NATD1: variants seen among roughly 807,000 people sequenced by gnomAD.
NATD1 encodes the protein N-acetyltransferase domain containing 1.
Under a neutral mutation model 12.0 loss-of-function variants are expected in NATD1, and 9 were observed. The observed-to-expected ratio is 0.75, with a 90% confidence interval of 0.45 to 1.30. The LOEUF (loss-of-function observed/expected upper bound fraction) is 1.30. Ranked by LOEUF, NATD1 falls within the 50% of genes most tolerant of loss-of-function variation. The pLI is 0.00. For synonymous variants in NATD1, 71 were observed against 65.9 expected (o/e 1.08, Z -0.37); for missense variants, 148 against 148.5 (o/e 1.00, Z 0.02).
In NATD1 at chr17:21,248,134, G is replaced by A. The variant is rs574333646; in HGVS notation, c.107-3910C>T. 2.0e-3 allele frequency among the ~76,000 whole-genome samples: 297 copies of A among 152,274 alleles called. 2 individuals carry two copies. The highest frequency in any genetic ancestry group is 6.4e-3 in the African/African-American group (268 of 41,556). ...CCAGACCACATGGCACTGGGCCAGC[G>A]AGGAGCCAGGCTCCTGGGCAGCAAC... On this transcript the variant is annotated intron_variant, in intron 1 of 2. Coordinates refer to ENST00000611551, the MANE Select transcript of NATD1 (RefSeq NM_152914.3).
In NATD1 at chr17:21,244,335, A is replaced by G. The variant is rs1490889913; in HGVS notation, c.107-111T>C. ...GGAGTCATTCAGCTGCTACAGCTGAATCCTGAATAACCTCTCAGTGCCTCA... is the reference window on the plus strand; with the variant it reads ...GGAGTCATTCAGCTGCTACAGCTGAGTCCTGAATAACCTCTCAGTGCCTCA... On this transcript the variant is annotated intron_variant, in intron 1 of 2. Coordinates refer to ENST00000611551, the MANE Select transcript of NATD1 (RefSeq NM_152914.3). This position sits in a 1 kb window ranked among gnomAD's most constrained non-coding sequence, Gnocchi z 5.2. The G allele has an allele frequency of 3.6e-6, 3 of 825,852 alleles. No individual in the cohort carries two copies. The highest frequency in any genetic ancestry group is 5.7e-6 in the Non-Finnish European group (3 of 529,768). 51.2% of individuals were successfully genotyped at this position (825,852 alleles called of 1,614,324 possible).
At chr17:21,247,819 C>G (rs544299516) in intron 1 of NATD1, among the ~76,000 whole-genome samples, 1 of 152,344 alleles carries the variant, frequency 6.6e-6, no homozygotes, top group Admixed American at 6.5e-5. Context: ...TGAGCCGAGA[C>G]AGCAGGATCC....
At chr17:21,249,076 G>A (rs1975352857) in intron 1 of NATD1, among the ~76,000 whole-genome samples, 1 of 152,154 alleles carries the variant, frequency 6.6e-6, no homozygotes, top group African/African-American at 2.4e-5. Context: ...TGTCAGGGGA[G>A]GCGATCACAG....
rs181760445 is a variant in NATD1 at position 21,251,383 on chromosome 17, G to A, written c.106+1776C>T. On this transcript the variant is annotated intron_variant, in intron 1 of 2. Transcript: ENST00000611551. ...CGAGCCCACAAGGGAACCAGAGGCC[G>A]CTCTGGAACCTCAGAAGAGAGGATT... 4.6e-4 allele frequency among the ~76,000 whole-genome samples: 70 copies of A among 151,376 alleles called. 1 individual carries two copies. The highest frequency in any genetic ancestry group is 1.8e-3 in the Admixed American group (27 of 15,234).
intron 1 of NATD1, among the ~76,000 whole-genome samples, chr17:21,246,853 C>T (rs1468886134): frequency 1.3e-5 from 2 of 152,172 alleles, no homozygotes; most frequent in Admixed American, 1.3e-4. Context: ...CTGGTGAGAA[C>T]AGCACGTGCA....
chr17:21,252,708 G>A (rs1975389017), intron 1 of NATD1, among the ~76,000 whole-genome samples: 1 of 152,170 alleles, frequency 6.6e-6, no homozygotes, highest in African/African-American at 2.4e-5. Flanking sequence ...ACCCGCAGAA[G>A]GGGACAGGTC....
At chr17:21,245,521 C>T (rs1975317902) in intron 1 of NATD1, among the ~76,000 whole-genome samples, 1 of 152,202 alleles carries the variant, frequency 6.6e-6, no homozygotes, top group Admixed American at 6.5e-5. Flanking sequence ...AGGAGGCCTT[C>T]TGGCTCTTGG....
Position 21,243,091 on chromosome 17 carries a change from G to C in NATD1, c.*222C>G. The C allele has an allele frequency of 2.0e-6, 1 of 506,196 alleles. No individual in the cohort carries two copies. The allele number at this position is 506,196 out of a possible 1,614,324, so 31.4% of individuals were successfully genotyped here. ...AGCCGCTGGTCTCTGCAGAGTGAGA[G>C]GTGCCGGGACTACCTGGCCTCCTTG... On this transcript the variant is annotated 3_prime_UTR_variant, in exon 3 of 3. Coordinates refer to ENST00000611551, the MANE Select transcript of NATD1 (RefSeq NM_152914.3).
In NATD1 at chr17:21,240,523, G is replaced by C. The variant is rs1034144943; in HGVS notation, c.*2790C>G. 6.6e-6 allele frequency: 1 copy of C among 152,670 alleles called. No individual in the cohort carries two copies. Among genetic ancestry groups the C allele is most frequent in the African/African-American group, 2.4e-5 (1 of 41,466 alleles). The allele number at this position is 152,670 out of a possible 1,614,324, so 9.5% of individuals were successfully genotyped here. On this transcript the variant is annotated 3_prime_UTR_variant, in exon 3 of 3. Coordinates refer to ENST00000611551, the MANE Select transcript of NATD1 (RefSeq NM_152914.3). ...CCTGTTGATGAGCTTGGAGAATGAG[G>C]AAGGGGACGGTCCAGCGGCCAGCTG...
Position 21,244,025 on chromosome 17 carries a change from C to G in NATD1, c.225+81G>C. On this transcript the variant is annotated intron_variant, in intron 2 of 2. Transcript: ENST00000611551. The surrounding 1 kb of genome is among the most constrained non-coding windows in gnomAD (Gnocchi z 5.2). ...CCAAGAAGCAGGCTGAAGTGGCCAC[C>G]AGGGCCACCGTCTCCTCGGAGCGAA... 3 of 1,304,934 alleles carry G rather than the reference C, an allele frequency of 2.3e-6. No homozygotes were observed. Among genetic ancestry groups the G allele is most frequent in the Non-Finnish European group, 3.2e-6 (3 of 945,616 alleles). 80.8% of individuals were successfully genotyped at this position (1,304,934 alleles called of 1,614,324 possible). A position where few individuals can be genotyped will look rare whatever the true frequency, so the allele number is the denominator to read the frequency against.
intron 1 of NATD1, among the ~76,000 whole-genome samples, chr17:21,249,285 G>C (rs1324329053): frequency 1.3e-5 from 2 of 152,198 alleles, no homozygotes; most frequent in African/African-American, 4.8e-5. Flanking sequence ...GCTGTGGCAC[G>C]GGACAAGGAC....
intron 1 of NATD1, among the ~76,000 whole-genome samples, chr17:21,248,504 A>C (rs1030730612): frequency 6.6e-6 from 1 of 151,508 alleles, no homozygotes; most frequent in South Asian, 2.1e-4. Context: ...GCCTCCGGGG[A>C]CCCTTCCTTC....
intron 1 of NATD1, among the ~76,000 whole-genome samples, chr17:21,246,214 C>T (rs1975323333): frequency 6.6e-6 from 1 of 152,102 alleles, no homozygotes; most frequent in Non-Finnish European, 1.5e-5. Context: ...TAAGTAATAT[C>T]ATTATAAATA....
At chr17:21,253,025 G>T (rs919993436) in intron 1 of NATD1, 134 bp downstream of exon 1, 5 of 327,234 alleles carry the variant, frequency 1.5e-5, no homozygotes, top group Non-Finnish European at 2.2e-5. Flanking sequence ...GCGCGCGCTT[G>T]CAACAGCCTT....
At chr17:21,249,239 G>A (rs1031954462) in intron 1 of NATD1, among the ~76,000 whole-genome samples, 1 of 152,186 alleles carries the variant, frequency 6.6e-6, no homozygotes, top group African/African-American at 2.4e-5. Context: ...CAGATGAGGA[G>A]ACTGAGGTAG....
chr17:21,246,527 A>C, intron 1 of NATD1, among the ~76,000 whole-genome samples: 1 of 142,306 alleles, frequency 7.0e-6, no homozygotes. Flanking sequence ...AAAAAAAAGA[A>C]AAAAAAAAAA....
chr17:21,250,950 C>T (rs146535393), intron 1 of NATD1, among the ~76,000 whole-genome samples: 1,660 of 152,334 alleles, frequency 0.011, 18 homozygotes, highest in South Asian at 0.031. Flanking sequence ...TCGGGAATGA[C>T]ACCACAGCCT....
intron 1 of NATD1, among the ~76,000 whole-genome samples, chr17:21,251,432 CAG>C (rs1202135259): frequency 1.3e-5 from 2 of 152,174 alleles, no homozygotes; most frequent in Middle Eastern, 3.2e-3. Context: ...GCCTCTCTCC[CAG>C]AGTCGCCAGG....
chr17:21,244,259 C>T lies in NATD1; in HGVS notation c.107-35G>A. The T allele has an allele frequency of 6.4e-7, 1 of 1,571,254 alleles. No individual in the cohort carries two copies. The highest frequency in any genetic ancestry group is 8.7e-7 in the Non-Finnish European group (1 of 1,151,436). On this transcript the variant is annotated intron_variant, in intron 1 of 2. Transcript: ENST00000611551. This position sits in a 1 kb window ranked among gnomAD's most constrained non-coding sequence, Gnocchi z 5.2. ...GTGGAGACAGGTAAGCCTATGCTGA[C>T]TCCCATCCCAGCGGACTCAGGCACC...
Sources: gnomAD v4.1 joint callset for allele counts (sites outside exome capture counted in the v4.1 genomes callset) on GRCh38, gnomAD v4.1.1 for gene constraint, Gnocchi (gnomAD v3.1) non-coding constraint, MANE v1.5 for transcripts, NCBI Gene and HGNC (gene_info 2026-07-23, HGNC 2026-07-21) for gene names.